Variants in DOCK4 observed in about 807,000 individuals in gnomAD.
DOCK4 encodes the protein dedicator of cytokinesis protein 4.
Under a neutral mutation model 268.1 loss-of-function variants are expected in DOCK4, and 97 were observed. The observed-to-expected ratio is 0.36, with a 90% CI of 0.31 to 0.43. DOCK4 has a LOEUF of 0.43. Ranked by LOEUF, DOCK4 falls within the 20% of genes least tolerant of loss-of-function variation. The pLI, the probability that DOCK4 is intolerant of heterozygous loss-of-function variation, is 1.00. For missense variants in DOCK4, 2,145 were observed against 2,455.7 expected (o/e 0.87, Z 2.67); for synonymous variants, 954 against 887.2 (o/e 1.08, Z -1.34).
At chr7:112,045,486 T>G (rs1367360935) in intron 1 of DOCK4, among the ~76,000 whole-genome samples, 1 of 152,210 alleles carries the variant, frequency 6.6e-6, no homozygotes, top group Non-Finnish European at 1.5e-5. Flanking sequence ...ACAGCCTGTA[T>G]TAATATCTGG....
rs145425050 is a variant in DOCK4 at position 111,970,670 on chromosome 7, A to G, written c.701+6462T>C. On this transcript the variant is annotated intron_variant, in intron 8 of 52. Transcript: ENST00000428084. ...TAATAATTATCTTTTATAGAGAGAA[A>G]TTGTGTCAAGACTGTATACACCTCA... Among the ~76,000 whole-genome samples the G allele has an allele frequency of 7.0e-3, 1,070 of 152,296 alleles. 11 individuals carry two copies. The highest frequency in any genetic ancestry group is 0.031 in the Middle Eastern group (9 of 294).
chr7:112,121,775 C>G (rs1812750160), intron 1 of DOCK4, among the ~76,000 whole-genome samples: 1 of 152,128 alleles, frequency 6.6e-6, no homozygotes, highest in Non-Finnish European at 1.5e-5. Flanking sequence ...TCCTTTTATT[C>G]TTCTTTGAGA....
intron 1 of DOCK4, among the ~76,000 whole-genome samples, chr7:112,111,741 G>A (rs1245096325): frequency 6.6e-6 from 1 of 152,266 alleles, no homozygotes; most frequent in Admixed American, 6.5e-5. Context: ...TCCCTGTTCT[G>A]GGCAGAGTAG....
At chr7:111,992,519 T>C (rs1014044430) in intron 5 of DOCK4, among the ~76,000 whole-genome samples, 7 of 152,232 alleles carry the variant, frequency 4.6e-5, no homozygotes, top group Admixed American at 1.3e-4. Flanking sequence ...GGGAAACATT[T>C]AGATAATTTT....
At chr7:112,113,947 T>C (rs1322493678) in intron 1 of DOCK4, among the ~76,000 whole-genome samples, 2 of 151,970 alleles carry the variant, frequency 1.3e-5, no homozygotes, top group Non-Finnish European at 2.9e-5. Flanking sequence ...TTAGCAAATT[T>C]TGGCAAAGCC....
intron 12 of DOCK4, among the ~76,000 whole-genome samples, chr7:111,918,936 C>T (rs1792858044): frequency 6.6e-6 from 1 of 152,012 alleles, no homozygotes; most frequent in African/African-American, 2.4e-5. Context: ...TGATCAGAGA[C>T]ACTAGCAACA....
intron 23 of DOCK4, among the ~76,000 whole-genome samples, chr7:111,859,333 T>C (rs1176599750): frequency 1.3e-5 from 2 of 152,186 alleles, no homozygotes; most frequent in Non-Finnish European, 2.9e-5. Flanking sequence ...ACAGCAGCAA[T>C]GGGAAATGAC....
intron 1 of DOCK4, among the ~76,000 whole-genome samples, chr7:112,050,333 C>A (rs1350810657): frequency 1.3e-5 from 2 of 152,064 alleles, no homozygotes; most frequent in Non-Finnish European, 2.9e-5. Context: ...TTTTGCTATC[C>A]AATGTTAAGG....
chr7:111,786,405 C>T (rs1312634496), intron 32 of DOCK4, among the ~76,000 whole-genome samples: 2 of 152,066 alleles, frequency 1.3e-5, no homozygotes. Context: ...AGTTGTGATA[C>T]TCTATTCTGG....
At chr7:111,923,352 T>C (rs1195649764) in intron 12 of DOCK4, among the ~76,000 whole-genome samples, 3 of 152,178 alleles carry the variant, frequency 2.0e-5, no homozygotes, top group African/African-American at 4.8e-5. Context: ...GAATTCAAAG[T>C]TGGCCATTTG....
chr7:111,755,872 A>AT (rs1796983196), intron 41 of DOCK4, among the ~76,000 whole-genome samples: 1 of 152,214 alleles, frequency 6.6e-6, no homozygotes, highest in African/African-American at 2.4e-5. Context: ...ATAGGCTATC[A>AT]TGTTATTTTC....
At chr7:111,769,007 A>G (rs1021999506) in intron 37 of DOCK4, among the ~76,000 whole-genome samples, 1 of 152,146 alleles carries the variant, frequency 6.6e-6, no homozygotes, top group Admixed American at 6.5e-5. Context: ...GGCCCCAGAG[A>G]GTTAGCCAGC....
chr7:111,939,990 A>C (rs1795074259), intron 11 of DOCK4, 120 bp downstream of exon 11: 1 of 1,007,042 alleles, frequency 9.9e-7, no homozygotes, highest in South Asian at 1.6e-5. Context: ...TGGGTTTTTG[A>C]GGAATGGCTC....
chr7:112,058,504 C>T (rs1806052550), intron 1 of DOCK4, among the ~76,000 whole-genome samples: 1 of 152,204 alleles, frequency 6.6e-6, no homozygotes, highest in African/African-American at 2.4e-5. Context: ...CAAATGCTCA[C>T]TCTTCTGAAT....
intron 1 of DOCK4, among the ~76,000 whole-genome samples, chr7:112,201,674 G>C (rs889479021): frequency 2.6e-5 from 4 of 152,152 alleles, no homozygotes; most frequent in African/African-American, 9.6e-5. Context: ...GAGGAATGGG[G>C]GGGTGTGCTA....
Position 111,747,375 on chromosome 7 carries a change from C to T in DOCK4, c.4485G>A (p.Leu1495=). The T allele has an allele frequency of 6.2e-7, 1 of 1,613,034 alleles. No homozygotes were observed. The highest frequency in any genetic ancestry group is 8.5e-7 in the Non-Finnish European group (1 of 1,179,550). Residue 1495 remains leucine (L), a synonymous_variant, in exon 43 of 53, where the codon CTG becomes CTA. Transcript: ENST00000428084. ...TCTGTCTTGTCTGACACTGACTAAT[C>T]AGAGTCTTCAGCTGCTGATTCTTAT... The part of the protein sequence containing the change: ...LENKNQQLKT[L]ISQCQTRQMQ...
chr7:111,949,257 A>G (rs1795866249), intron 8 of DOCK4, among the ~76,000 whole-genome samples: 1 of 152,224 alleles, frequency 6.6e-6, no homozygotes, highest in Non-Finnish European at 1.5e-5. Flanking sequence ...ATGGACACCA[A>G]TAAGATTAAA....
chr7:112,193,833 G>T (rs1820184645), intron 1 of DOCK4, among the ~76,000 whole-genome samples: 1 of 151,908 alleles, frequency 6.6e-6, no homozygotes. Flanking sequence ...CTAAAGCATG[G>T]AAGTCCCAAA....
In DOCK4 at chr7:112,125,703, T is replaced by C. The variant is rs145231388; in HGVS notation, c.37+80399A>G. ...CAGGTATTGTAAGAGTATCTAGTCA[T>C]AGATCTGCTATAAAGCTTAAGTGAG... On this transcript the variant is annotated intron_variant, in intron 1 of 52. Coordinates refer to ENST00000428084, the MANE Select transcript of DOCK4 (RefSeq NM_001363540.2). Among the ~76,000 whole-genome samples the C allele has an allele frequency of 6.9e-3, 1,050 of 152,356 alleles. 10 individuals carry two copies. Among genetic ancestry groups the C allele is most frequent in the Non-Finnish European group, 0.013 (864 of 68,038 alleles).
Sources: gnomAD v4.1 joint callset for allele counts (sites outside exome capture counted in the v4.1 genomes callset) on GRCh38, gnomAD v4.1.1 for gene constraint, MANE v1.5 for transcripts, NCBI Gene and HGNC (gene_info 2026-07-23, HGNC 2026-07-21) for gene names.